Variants in SHISA9 observed in about 807,000 individuals in gnomAD.
SHISA9 encodes the protein shisa family member 9.
SHISA9 carries 13 observed loss-of-function variants against 38.0 expected under a neutral mutation model. That is an observed-to-expected ratio of 0.34 (90% confidence interval 0.22 to 0.54). The LOEUF is 0.54. Among genes scored for constraint, SHISA9 ranks in the 20% least tolerant of loss-of-function variants. The probability of loss-of-function intolerance (pLI) is 0.91; values close to 1 mark genes in which losing one functional copy is unlikely to be tolerated. For synonymous variants in SHISA9, 275 were observed against 242.0 expected (o/e 1.14, Z -1.27); for missense variants, 538 against 575.8 (o/e 0.93, Z 0.67).
At chr16:13,121,597 A>G (rs957513849) in intron 2 of SHISA9, among the ~76,000 whole-genome samples, 2 of 152,160 alleles carry the variant, frequency 1.3e-5, no homozygotes, top group African/African-American at 2.4e-5. Context: ...TCAAAACTCT[A>G]ATAAGCAGTC....
At chr16:13,252,037 T>C in the SHISA9 span, among the ~76,000 whole-genome samples, 1 of 152,240 alleles carries the variant, frequency 6.6e-6, no homozygotes, top group African/African-American at 2.4e-5. Flanking sequence ...CAAGTTCCCT[T>C]AAGACAGATC....
chr16:13,367,712 G>GCGCACACACA, the SHISA9 span, among the ~76,000 whole-genome samples: 2,876 of 104,604 alleles, frequency 0.027, 42 homozygotes, highest in South Asian at 0.046. Context: ...GCGCGCGCGC[G>GCGCACACACA]CACACACACA....
In SHISA9 at chr16:13,075,336, C is replaced by T. The variant is rs930268708; in HGVS notation, c.692-128058C>T. Among the ~76,000 whole-genome samples, 3 of 152,206 alleles carry T rather than the reference C, an allele frequency of 2.0e-5. No individual in the cohort carries two copies. The East Asian group carries it at 5.8e-4, about 29-fold the overall frequency. ...TCTCTAGCACCTGGTGTCAGCCCCT[C>T]CAGAGACAGAGAGGCTGGCTGGCAG... is the stretch of plus-strand genomic sequence containing the variant. On this transcript the variant is annotated intron_variant, in intron 2 of 4. Transcript: ENST00000558583.
the SHISA9 span, among the ~76,000 whole-genome samples, chr16:13,493,498 G>A: frequency 6.6e-6 from 1 of 152,186 alleles, no homozygotes; most frequent in Non-Finnish European, 1.5e-5. Context: ...CATGACCCCT[G>A]ATATCTGAGA....
intron 2 of SHISA9, among the ~76,000 whole-genome samples, chr16:12,974,930 C>T (rs1282606176): frequency 6.6e-6 from 1 of 152,148 alleles, no homozygotes; most frequent in Non-Finnish European, 1.5e-5. Flanking sequence ...ATCTATCTCT[C>T]TATATTTATA....
chr16:13,140,059 C>T (rs1027188770), intron 2 of SHISA9, among the ~76,000 whole-genome samples: 2 of 149,974 alleles, frequency 1.3e-5, no homozygotes, highest in Non-Finnish European at 3.0e-5. Flanking sequence ...CTCTCCTCTC[C>T]TCTCCTCTCT....
chr16:13,354,907 A>G, the SHISA9 span, among the ~76,000 whole-genome samples: 1 of 151,952 alleles, frequency 6.6e-6, no homozygotes, highest in Admixed American at 6.6e-5. Context: ...GGCTTGATTG[A>G]AGTAATGGGG....
chr16:13,300,860 C>G, the SHISA9 span, among the ~76,000 whole-genome samples: 240 of 126,448 alleles, frequency 1.9e-3, no homozygotes, highest in Middle Eastern at 4.0e-3. Context: ...CCTCTCCTCT[C>G]CTCTCCTCTC....
chr16:13,355,305 G>A, the SHISA9 span, among the ~76,000 whole-genome samples: 1 of 152,064 alleles, frequency 6.6e-6, no homozygotes, highest in East Asian at 1.9e-4. Context: ...GCTGTGGGAT[G>A]GGATATTGGC....
intron 2 of SHISA9, among the ~76,000 whole-genome samples, chr16:13,179,749 A>T (rs1422504289): frequency 6.6e-6 from 1 of 152,234 alleles, no homozygotes; most frequent in African/African-American, 2.4e-5. Context: ...CTATGACCCC[A>T]TGAGAAAATT....
the SHISA9 span, among the ~76,000 whole-genome samples, chr16:13,520,959 C>T: frequency 6.6e-6 from 1 of 152,130 alleles, no homozygotes. Context: ...ACATTCATTA[C>T]CTTAAACATT....
the SHISA9 span, among the ~76,000 whole-genome samples, chr16:13,308,649 G>C: frequency 6.6e-6 from 1 of 152,052 alleles, no homozygotes; most frequent in Admixed American, 6.6e-5. Flanking sequence ...GGGGGACAAG[G>C]TGTGTGTGTG....
chr16:13,280,180 T>G, the SHISA9 span, among the ~76,000 whole-genome samples: 1 of 140,316 alleles, frequency 7.1e-6, no homozygotes, highest in East Asian at 2.2e-4. Context: ...TTATTGAAAC[T>G]TTCAAAAAGC....
At chr16:13,488,095 C>A in the SHISA9 span, among the ~76,000 whole-genome samples, 2 of 152,262 alleles carry the variant, frequency 1.3e-5, no homozygotes, top group South Asian at 4.1e-4. Context: ...AGATAATGGA[C>A]CACCAGGGGG....
chr16:12,908,676 C>G, intron 1 of SHISA9: 1 of 1,528,418 alleles, frequency 6.5e-7, no homozygotes, highest in Admixed American at 2.0e-5. Context: ...ACGCGATGCC[C>G]TGCAAACAAC....
At chr16:12,993,181 A>G (rs1387493827) in intron 2 of SHISA9, among the ~76,000 whole-genome samples, 2 of 152,132 alleles carry the variant, frequency 1.3e-5, no homozygotes, top group Non-Finnish European at 2.9e-5. Context: ...CCAGGCACCT[A>G]CCCTCATATA....
chr16:13,548,675 G>C, the SHISA9 span, among the ~76,000 whole-genome samples: 1 of 152,134 alleles, frequency 6.6e-6, no homozygotes, highest in Admixed American at 6.6e-5. Flanking sequence ...CTTCACCCCA[G>C]TTAGAATAGC....
intron 2 of SHISA9, among the ~76,000 whole-genome samples, chr16:13,054,380 C>T (rs1285341616): frequency 6.6e-6 from 1 of 152,200 alleles, no homozygotes; most frequent in East Asian, 1.9e-4. Context: ...TCCTTCTTTC[C>T]CATCCATCCT....
At chr16:13,507,950 C>A in the SHISA9 span, among the ~76,000 whole-genome samples, 2 of 152,172 alleles carry the variant, frequency 1.3e-5, no homozygotes, top group African/African-American at 4.8e-5. Flanking sequence ...AACTGTAATG[C>A]ATACTTATGG....
Sources: gnomAD v4.1 joint callset for allele counts (sites outside exome capture counted in the v4.1 genomes callset) on GRCh38, gnomAD v4.1.1 for gene constraint, MANE v1.5 for transcripts, NCBI Gene and HGNC (gene_info 2026-07-23, HGNC 2026-07-21) for gene names.